CTBP2: variants seen among roughly 807,000 people sequenced by gnomAD.
CTBP2 encodes the protein C-terminal-binding protein 2.
In CTBP2, 30 loss-of-function variants were observed where a neutral mutation model predicts 80.3. That is an observed-to-expected ratio of 0.37 (90% CI 0.28 to 0.51). The LOEUF is 0.51. Ranked by LOEUF, CTBP2 falls within the 20% of genes least tolerant of loss-of-function variation. The pLI is 0.93. For synonymous variants in CTBP2, 594 were observed against 587.4 expected (o/e 1.01, Z -0.16); for missense variants, 1,212 against 1,375.3 (o/e 0.88, Z 1.88).
At chr10:125,042,155 A>G (rs573957850) in intron 2 of CTBP2, among the ~76,000 whole-genome samples, 5 of 152,144 alleles carry the variant, frequency 3.3e-5, no homozygotes, top group East Asian at 1.9e-4. Flanking sequence ...CTCTCCCCCG[A>G]TATCTCTTGT....
intron 2 of CTBP2, among the ~76,000 whole-genome samples, chr10:125,061,016 C>T (rs940673846): frequency 2.6e-5 from 4 of 152,196 alleles, no homozygotes; most frequent in African/African-American, 9.6e-5. Context: ...CCTGCTAGAT[C>T]CCGGCTCCCG....
At chr10:125,035,900 G>C (rs539812172) in intron 3 of CTBP2, among the ~76,000 whole-genome samples, 1 of 152,334 alleles carries the variant, frequency 6.6e-6, no homozygotes, top group African/African-American at 2.4e-5. Context: ...TGTGTTACGA[G>C]AGGGCTCCTT....
At chr10:125,132,330 G>A (rs889759083) in intron 1 of CTBP2, among the ~76,000 whole-genome samples, 1 of 152,138 alleles carries the variant, frequency 6.6e-6, no homozygotes, top group African/African-American at 2.4e-5. Context: ...ACTATGGCTT[G>A]TGATCAATTT....
chr10:125,056,211 A>ATAC (rs1436292165), intron 2 of CTBP2, among the ~76,000 whole-genome samples: 2 of 151,092 alleles, frequency 1.3e-5, no homozygotes, highest in Non-Finnish European at 2.9e-5. Context: ...AATAATAATA[A>ATAC]TAACTAATAA....
At chr10:125,151,423 A>G (rs1196571858) in intron 1 of CTBP2, among the ~76,000 whole-genome samples, 1 of 152,132 alleles carries the variant, frequency 6.6e-6, no homozygotes, top group Non-Finnish European at 1.5e-5. Flanking sequence ...TGTTTCCCAC[A>G]GCAACTGCCA....
At chr10:125,159,312 G>A (rs928258021) in intron 1 of CTBP2, among the ~76,000 whole-genome samples, 2 of 149,414 alleles carry the variant, frequency 1.3e-5, no homozygotes, top group Non-Finnish European at 1.5e-5. Flanking sequence ...GGGCGGGGAA[G>A]GTGGGGGAGG....
chr10:125,120,131 G>A (rs1379090920), intron 1 of CTBP2, among the ~76,000 whole-genome samples: 3 of 152,178 alleles, frequency 2.0e-5, no homozygotes, highest in Non-Finnish European at 4.4e-5. Flanking sequence ...AGAATCCCTT[G>A]CCCCAGCGAG....
intron 1 of CTBP2, among the ~76,000 whole-genome samples, chr10:125,140,684 ATGG>A (rs1037885779): frequency 6.6e-6 from 1 of 151,916 alleles, no homozygotes; most frequent in Non-Finnish European, 1.5e-5. Flanking sequence ...TTAGCTGGAC[ATGG>A]TGGTGGGTGC....
chr10:125,056,270 T>C (rs1963918632), intron 2 of CTBP2, among the ~76,000 whole-genome samples: 1 of 152,184 alleles, frequency 6.6e-6, no homozygotes, highest in Non-Finnish European at 1.5e-5. Flanking sequence ...ATGAGAACTA[T>C]TCTAAGCGGC....
chr10:125,115,587 C>G (rs1853110557), intron 1 of CTBP2, among the ~76,000 whole-genome samples: 1 of 152,222 alleles, frequency 6.6e-6, no homozygotes, highest in African/African-American at 2.4e-5. Flanking sequence ...GGCCTGCATA[C>G]AGCAAGCACT....
rs74696192 is a variant in CTBP2, at chr10:125,081,882, T to C, written c.-102+29108A>G. Among the ~76,000 whole-genome samples the C allele has an allele frequency of 7.2e-3, 1,093 of 151,910 alleles. 19 individuals carry two copies. The highest frequency in any genetic ancestry group is 0.026 in the African/African-American group (1,060 of 41,374). ...GTCAGGCAGGGCAAGGTCCCAGGCC[T>C]CCTTCTGTCTCTGCTGTTGGCTGCT... On this transcript the variant is annotated intron_variant, in intron 2 of 10. Coordinates refer to the CTBP2 transcript ENST00000337195.
chr10:125,023,532 GC>G (rs1350447641), intron 1 of CTBP2, among the ~76,000 whole-genome samples: 1 of 152,182 alleles, frequency 6.6e-6, no homozygotes, highest in Non-Finnish European at 1.5e-5. Context: ...GGCCAGGTCA[GC>G]CTGAGAGCGA....
intron 2 of CTBP2, among the ~76,000 whole-genome samples, chr10:125,092,441 C>T (rs1278471628): frequency 1.3e-5 from 2 of 152,146 alleles, no homozygotes; most frequent in Admixed American, 6.5e-5. Context: ...CTCCACCTCC[C>T]AAAGTGCTGG....
chr10:125,046,315 T>A (rs1475982243), intron 2 of CTBP2, among the ~76,000 whole-genome samples: 3 of 151,888 alleles, frequency 2.0e-5, no homozygotes, highest in East Asian at 3.9e-4. Flanking sequence ...GGAGGGTGGA[T>A]CACATGAGGT....
At chr10:125,019,497 T>C (rs977218094) in intron 1 of CTBP2, among the ~76,000 whole-genome samples, 16 of 152,298 alleles carry the variant, frequency 1.1e-4, no homozygotes, top group African/African-American at 3.6e-4. Context: ...CACGTCTTTC[T>C]TCCTTAGAAT....
intron 1 of CTBP2, among the ~76,000 whole-genome samples, chr10:125,150,741 G>C (rs1324761505): frequency 6.7e-6 from 1 of 150,302 alleles, no homozygotes; most frequent in East Asian, 2.0e-4. Flanking sequence ...GTGAGTCTGT[G>C]ATCCAGAGTC....
At chr10:125,048,162 T>C (rs918807890) in intron 2 of CTBP2, among the ~76,000 whole-genome samples, 2 of 152,026 alleles carry the variant, frequency 1.3e-5, no homozygotes, top group African/African-American at 4.8e-5. Flanking sequence ...AACCCCCACG[T>C]GGGCTGACCT....
rs753792063 is a variant in CTBP2, at chr10:124,994,078, T to C, written c.2401-93A>G. 2.9e-5 allele frequency: 45 copies of C among 1,542,552 alleles called. 1 individual carries two copies. The Middle Eastern group carries it at 5.2e-4, about 18-fold the overall frequency. ...AAAGAAGAAAGCTGCAAGCTAGTTTTGTTGGTCTGGTGGTTTAATGTGTGT... is the reference window on the plus strand; with the variant it reads ...AAAGAAGAAAGCTGCAAGCTAGTTTCGTTGGTCTGGTGGTTTAATGTGTGT... On this transcript the variant is annotated intron_variant, in intron 5 of 8. Transcript: ENST00000309035.
intron 2 of CTBP2, among the ~76,000 whole-genome samples, chr10:125,085,241 G>A (rs753029600): frequency 1.3e-4 from 20 of 152,144 alleles, no homozygotes; most frequent in Non-Finnish European, 2.6e-4. Flanking sequence ...GAGAAAAGCC[G>A]CCAACATTTT....
Sources: gnomAD v4.1 joint callset for allele counts (sites outside exome capture counted in the v4.1 genomes callset) on GRCh38, gnomAD v4.1.1 for gene constraint, MANE v1.5 for transcripts, NCBI Gene and HGNC (gene_info 2026-07-23, HGNC 2026-07-21) for gene names.